CNTNAP2: variants seen among roughly 807,000 people sequenced by gnomAD.
The protein encoded by CNTNAP2 is contactin associated protein 2.
A neutral mutation model predicts 155.2 loss-of-function variants in CNTNAP2; 98 were observed. The observed-to-expected ratio is 0.63, with a 90% CI of 0.54 to 0.75. CNTNAP2 has a LOEUF of 0.75. Ranked by LOEUF, CNTNAP2 falls within the 30% of genes least tolerant of loss-of-function variation. The probability of loss-of-function intolerance (pLI) is 0.00; values close to 1 mark genes in which losing one functional copy is unlikely to be tolerated. For synonymous variants in CNTNAP2, 651 were observed against 631.2 expected (o/e 1.03, Z -0.47); for missense variants, 1,727 against 1,688.1 (o/e 1.02, Z -0.40).
At chr7:147,929,304 T>C (rs1800456977) in intron 14 of CNTNAP2, among the ~76,000 whole-genome samples, 1 of 152,112 alleles carries the variant, frequency 6.6e-6, no homozygotes, top group South Asian at 2.1e-4. Flanking sequence ...ATTTAAAGAC[T>C]AATTGGACAC....
At chr7:146,301,654 A>G (rs1242239813) in intron 1 of CNTNAP2, among the ~76,000 whole-genome samples, 1 of 152,036 alleles carries the variant, frequency 6.6e-6, no homozygotes, top group Non-Finnish European at 1.5e-5. Flanking sequence ...AACAACAACA[A>G]CAAAAAGATA....
chr7:147,592,478 G>GGT (rs371249413), intron 12 of CNTNAP2, among the ~76,000 whole-genome samples: 4 of 143,938 alleles, frequency 2.8e-5, no homozygotes, highest in African/African-American at 1.0e-4. Flanking sequence ...GTTGTTTCTG[G>GGT]TTTTTTTTTT....
intron 13 of CNTNAP2, among the ~76,000 whole-genome samples, chr7:147,762,428 G>A (rs369606930): frequency 1.3e-5 from 2 of 152,198 alleles, no homozygotes; most frequent in Admixed American, 6.5e-5. Flanking sequence ...AGGCAAACAG[G>A]ATGAGTTCAG....
At chr7:146,845,516 T>C (rs1419126621) in intron 3 of CNTNAP2, among the ~76,000 whole-genome samples, 1 of 152,234 alleles carries the variant, frequency 6.6e-6, no homozygotes, top group Non-Finnish European at 1.5e-5. Flanking sequence ...ATGTGTGTCA[T>C]CAATTCCCAA....
rs187147578 is a variant in CNTNAP2 at position 146,586,540 on chromosome 7, C to T, written c.98-187731C>T. On this transcript the variant is annotated intron_variant, in intron 1 of 23. Coordinates refer to ENST00000361727, the MANE Select transcript of CNTNAP2 (RefSeq NM_014141.6). ...TACCATTGACATTTACACACACATA[C>T]ACACACACTCCCCCACACATATAGA... Among the ~76,000 whole-genome samples the T allele has an allele frequency of 1.3e-3, 199 of 151,660 alleles. 1 individual carries two copies. Among genetic ancestry groups the T allele is most frequent in the African/African-American group, 4.5e-3 (186 of 41,518 alleles).
chr7:146,398,184 C>CTTT (rs34144986), intron 1 of CNTNAP2, among the ~76,000 whole-genome samples: 13,297 of 106,806 alleles, frequency 0.12, 1,299 homozygotes, highest in African/African-American at 0.23. Flanking sequence ...CGGCCCCAAA[C>CTTT]TTTTTTTTTT....
chr7:146,308,477 C>T (rs184682460), intron 1 of CNTNAP2, among the ~76,000 whole-genome samples: 6 of 152,128 alleles, frequency 3.9e-5, no homozygotes, highest in East Asian at 1.9e-4. Context: ...CCCATTACTG[C>T]GCATATACCC....
At chr7:146,145,856 A>C (rs940931) in intron 1 of CNTNAP2, among the ~76,000 whole-genome samples, 141,218 of 152,206 alleles carry the variant, frequency 0.93, 65,845 homozygotes, top group East Asian at 0.97. Flanking sequence ...CAAAGGAAGC[A>C]GACTTTCACC....
intron 1 of CNTNAP2, among the ~76,000 whole-genome samples, chr7:146,536,484 A>T (rs1221193552): frequency 6.6e-6 from 1 of 151,758 alleles, no homozygotes; most frequent in Non-Finnish European, 1.5e-5. Context: ...GCATTGGGGG[A>T]GGGTGAGGCA....
At chr7:148,347,030 GA>G in intron 21 of CNTNAP2, among the ~76,000 whole-genome samples, 1 of 151,908 alleles carries the variant, frequency 6.6e-6, no homozygotes, top group African/African-American at 2.4e-5. Flanking sequence ...GCCGAGGCTG[GA>G]GGATCACCTG....
At chr7:146,584,099 A>C (rs1161984720) in intron 1 of CNTNAP2, among the ~76,000 whole-genome samples, 1 of 152,192 alleles carries the variant, frequency 6.6e-6, no homozygotes, top group East Asian at 1.9e-4. Flanking sequence ...TTACTAATAA[A>C]TCATGAAAAG....
chr7:147,515,875 A>G (rs1421985529), intron 11 of CNTNAP2, among the ~76,000 whole-genome samples: 1 of 152,236 alleles, frequency 6.6e-6, no homozygotes, highest in African/African-American at 2.4e-5. Flanking sequence ...AATTAGACCT[A>G]CAAAAGCCTG....
intron 13 of CNTNAP2, among the ~76,000 whole-genome samples, chr7:147,873,011 A>G (rs1799354019): frequency 6.6e-6 from 1 of 152,230 alleles, no homozygotes; most frequent in African/African-American, 2.4e-5. Context: ...ATAAAGTAAA[A>G]GTGCTAACAA....
intron 3 of CNTNAP2, among the ~76,000 whole-genome samples, chr7:146,908,480 A>G (rs1446702019): frequency 2.0e-4 from 27 of 138,366 alleles, no homozygotes; most frequent in Admixed American, 1.3e-3. Flanking sequence ...TCAAACTAGA[A>G]CTCAGGATTA....
At chr7:146,875,934 C>CAT (rs1795413801) in intron 3 of CNTNAP2, among the ~76,000 whole-genome samples, 1 of 55,134 alleles carries the variant, frequency 1.8e-5, no homozygotes, top group African/African-American at 6.1e-5. Context: ...ACATACACAG[C>CAT]AAAAAAAAAA....
At chr7:147,714,088 G>A (rs575456138) in intron 13 of CNTNAP2, among the ~76,000 whole-genome samples, 1 of 152,080 alleles carries the variant, frequency 6.6e-6, no homozygotes, top group African/African-American at 2.4e-5. Context: ...CTTTATATAT[G>A]GCATCTTATT....
chr7:146,701,201 G>T (rs1010918165), intron 1 of CNTNAP2, among the ~76,000 whole-genome samples: 1 of 152,272 alleles, frequency 6.6e-6, no homozygotes, highest in African/African-American at 2.4e-5. Flanking sequence ...TGTTCTGCTG[G>T]CCTGCTTCAG....
intron 15 of CNTNAP2, among the ~76,000 whole-genome samples, chr7:148,057,058 C>A (rs1369384021): frequency 6.6e-6 from 1 of 152,200 alleles, no homozygotes; most frequent in Non-Finnish European, 1.5e-5. Flanking sequence ...ATTTTCTCAT[C>A]TGTGCCCACC....
At chr7:146,895,079 T>C (rs1026496423) in intron 3 of CNTNAP2, among the ~76,000 whole-genome samples, 8 of 152,078 alleles carry the variant, frequency 5.3e-5, no homozygotes, top group African/African-American at 1.7e-4. Context: ...GTATTTCTTA[T>C]GCTATAATGA....
Sources: allele counts gnomAD v4.1 joint callset (sites outside exome capture counted in the v4.1 genomes callset), GRCh38; gene constraint gnomAD v4.1.1; transcripts MANE v1.5; gene names NCBI Gene and HGNC (gene_info 2026-07-23, HGNC 2026-07-21).